The following PFDN6 variants were observed in gnomAD, a reference collection of about 807,000 sequenced individuals.
The protein encoded by PFDN6 is HLA class II region expressed gene KE2.
Under a neutral mutation model 19.3 loss-of-function variants are expected in PFDN6, and 5 were observed. The ratio of observed to expected loss-of-function variants is 0.26; its 90% CI spans 0.14 to 0.55. The LOEUF (loss-of-function observed/expected upper bound fraction) is 0.55. Among genes scored for constraint, PFDN6 ranks in the 20% least tolerant of loss-of-function variants. The pLI, the probability that PFDN6 is intolerant of heterozygous loss-of-function variation, is 0.94. For missense variants in PFDN6, 101 were observed against 149.4 expected, an observed-to-expected ratio of 0.68 and a Z score of 1.69; for synonymous variants, 51 against 63.4, an observed-to-expected ratio of 0.80 and a Z score of 0.93.
chr6:33,289,590 C>T, upstream of PFDN6: 1 of 682,922 alleles, frequency 1.5e-6, no homozygotes, highest in Non-Finnish European at 2.1e-6. Context: ...TCCTTGTTTA[C>T]TTCCGGGTTT....
At chr6:33,289,452 T>C, upstream of PFDN6, 5 of 1,292,864 alleles carry the variant, frequency 3.9e-6, no homozygotes, top group Non-Finnish European at 4.9e-6. Context: ...TCTGGATTAG[T>C]TTCCCCATCT....
Position 33,290,853 on chromosome 6 carries a change from G to GT in PFDN6, c.*9dup. On this transcript the variant is annotated 3_prime_UTR_variant, in exon 4 of 4. Transcript: ENST00000374606. ...GCTCCTGGCAAGGCCTGACCCCATG[G>GT]TGGGGGGAGGGGAGGGGAGGGGAGG... 6.3e-7 allele frequency: 1 copy of GT among 1,595,110 alleles called. No homozygotes were observed. The highest frequency in any genetic ancestry group is 8.5e-7 in the Non-Finnish European group (1 of 1,176,854).
chr6:33,289,727 T>G lies in PFDN6; in HGVS notation c.-130T>G. The G allele has an allele frequency of 1.4e-6, 1 of 693,556 alleles. No homozygotes were observed. Among genetic ancestry groups the G allele is most frequent in the Non-Finnish European group, 2.3e-6 (1 of 438,438 alleles). 43.0% of individuals were successfully genotyped at this position (693,556 alleles called of 1,614,324 possible). On this transcript the variant is annotated 5_prime_UTR_variant, in exon 1 of 4. Coordinates refer to ENST00000374606, the MANE Select transcript of PFDN6 (RefSeq NM_001185181.3). The stretch of plus-strand genomic sequence containing the variant: ...ATCCGGGACGGGGGGGAGGTTGCGG[T>G]GCCCCTCAGGGCTACCTCTCAAGAG...
upstream of PFDN6, chr6:33,289,449 T>C: frequency 7.7e-7 from 1 of 1,292,628 alleles, no homozygotes; most frequent in South Asian, 2.7e-5. Context: ...TTTTCTGGAT[T>C]AGTTTCCCCA....
chr6:33,290,551 C>T (rs764413039), intron 3 of PFDN6, 101 bp downstream of exon 3: 585 of 1,481,706 alleles, frequency 3.9e-4, no homozygotes, highest in Non-Finnish European at 4.9e-4. Flanking sequence ...CATAGTGGCC[C>T]CTAGTCCTCC....
chr6:33,289,542 G>T, upstream of PFDN6: 1 of 970,566 alleles, frequency 1.0e-6, no homozygotes. Context: ...CCCATCAAGG[G>T]TCAGAAAGAA....
Position 33,289,662 on chromosome 6 carries a change from C to A in PFDN6, c.-195C>A. On this transcript the variant is annotated 5_prime_UTR_variant, in exon 1 of 4. Coordinates refer to ENST00000374606, the MANE Select transcript of PFDN6 (RefSeq NM_001185181.3). ...TTCGGTTGAGAGGCTTGGGGTCTTG[C>A]GTTTCGCCCACCATCTCCTGGGGAC... 1 of 550,162 alleles carries A rather than the reference C, an allele frequency of 1.8e-6. No homozygotes were observed. The highest frequency in any genetic ancestry group is 3.3e-5 in the East Asian group (1 of 30,742). The allele number at this position is 550,162 out of a possible 1,614,324, so 34.1% of individuals were successfully genotyped here.
Position 33,290,253 on chromosome 6 carries a change from C to G in PFDN6, c.135+9C>G. On this transcript the variant is annotated intron_variant, in intron 2 of 3. Coordinates refer to ENST00000374606, the MANE Select transcript of PFDN6 (RefSeq NM_001185181.3). ...ATAATATCGTGAAAGAGGTGAGGGA[C>G]TGGGATTTGTGGGGCGAGGAGGGAC... is the stretch of plus-strand genomic sequence containing the variant. 6.2e-7 allele frequency: 1 copy of G among 1,614,098 alleles called. No homozygotes were observed.
At chr6:33,290,269 G>A (rs1477492237) in intron 2 of PFDN6, 25 bp downstream of exon 2, 5 of 1,614,102 alleles carry the variant, frequency 3.1e-6, no homozygotes, top group Non-Finnish European at 4.2e-6. Context: ...TTTGTGGGGC[G>A]AGGAGGGACC....
At chr6:33,290,646 C>G in intron 3 of PFDN6, 70 bp from the exon 4 acceptor site, 2 of 1,557,998 alleles carry the variant, frequency 1.3e-6, no homozygotes, top group Non-Finnish European at 1.8e-6. Flanking sequence ...CTCTTTCTTG[C>G]GTTTAGCACT....
upstream of PFDN6, chr6:33,289,563 C>T: frequency 2.6e-6 from 2 of 775,220 alleles, no homozygotes; most frequent in Non-Finnish European, 3.6e-6. Context: ...ACTTCCGGCA[C>T]AGTCTTTTCC....
intron 3 of PFDN6, 47 bp from the exon 4 acceptor site, chr6:33,290,669 T>A: frequency 6.2e-7 from 1 of 1,603,586 alleles, no homozygotes. Context: ...CCATAGTGAG[T>A]CCTACTAATT....
At chr6:33,289,402 G>A (rs1767072125), upstream of PFDN6, 2 of 1,309,700 alleles carry the variant, frequency 1.5e-6, no homozygotes, top group Non-Finnish European at 1.9e-6. Flanking sequence ...AAGAAAGGCA[G>A]GTCCGGAGCC....
At chr6:33,290,632 C>T (rs1231628935) in intron 3 of PFDN6, 84 bp from the exon 4 acceptor site, 2 of 1,537,806 alleles carry the variant, frequency 1.3e-6, no homozygotes, top group African/African-American at 1.4e-5. Flanking sequence ...AGTTTTCCAC[C>T]TATCTCTTTC....
intron 1 of PFDN6, 78 bp downstream of exon 1, chr6:33,289,998 C>G: frequency 7.1e-7 from 1 of 1,403,494 alleles, no homozygotes; most frequent in Non-Finnish European, 9.9e-7. Flanking sequence ...GTTTGTTGCC[C>G]CATCTGGGCC....
At chr6:33,289,972 C>A in intron 1 of PFDN6, 52 bp downstream of exon 1, 1 of 1,513,414 alleles carries the variant, frequency 6.6e-7, no homozygotes, top group Admixed American at 1.9e-5. Flanking sequence ...CAACCCAAAG[C>A]CATTACCGAG....
upstream of PFDN6, chr6:33,289,332 G>A (rs2058148746): frequency 3.8e-5 from 53 of 1,387,690 alleles, no homozygotes; most frequent in South Asian, 9.0e-4. Flanking sequence ...CTCCTTAGAG[G>A]GGCGGAACAG....
chr6:33,290,395 C>G lies in PFDN6; in HGVS notation c.205C>G (p.Leu69Val). ...GGGTCCGGTGCTAGTCAAACAGGAG[C>G]TGGGGGAGGCTCGGGCCACAGTAGG... ...LLGPVLVKQE[L>V]GEARATVGKR... Residue 69 changes from leucine (L) to valine (V), a missense_variant, in exon 3 of 4, where the codon CTG becomes GTG. This residue lies in a region of PFDN6 where 54 missense variants were observed against 108.8 expected (regional missense o/e 0.50). Coordinates refer to ENST00000374606, the MANE Select transcript of PFDN6 (RefSeq NM_001185181.3). 6.2e-7 allele frequency: 1 copy of G among 1,604,792 alleles called. No homozygotes were observed.
Position 33,290,337 on chromosome 6 carries a change from G to A in PFDN6, c.147G>A (p.Leu49=), listed in dbSNP as rs1049515164. The change falls in exon 3 of 4, where the codon CTG becomes CTA. Residue 49 remains leucine, a synonymous_variant. Coordinates refer to ENST00000374606, the MANE Select transcript of PFDN6 (RefSeq NM_001185181.3). ...ENNIVKEELA[L]LDGSNVVFKL... ...CATCCCTCCATCAGGAACTGGCCCT[G>A]CTGGATGGGTCCAACGTGGTCTTTA... is the stretch of plus-strand genomic sequence containing the variant. 6.2e-7 allele frequency: 1 copy of A among 1,610,266 alleles called. No homozygotes were observed. The highest frequency in any genetic ancestry group is 1.3e-5 in the African/African-American group (1 of 74,998).
Sources: allele counts gnomAD v4.1 joint callset, GRCh38; gene constraint gnomAD v4.1.1; regional missense constraint gnomAD v4.1.1; transcripts MANE v1.5; gene names NCBI Gene and HGNC (gene_info 2026-07-23, HGNC 2026-07-21).